Variants in SLC35F4 observed in about 807,000 individuals in gnomAD.
The protein encoded by SLC35F4 is solute carrier family 35 member F4.
A neutral mutation model predicts 44.2 loss-of-function variants in SLC35F4; 24 were observed. That is an observed-to-expected ratio of 0.54 (90% CI 0.39 to 0.76). The LOEUF (loss-of-function observed/expected upper bound fraction) is 0.76. Ranked by LOEUF, SLC35F4 falls within the 30% of genes least tolerant of loss-of-function variation. The probability of loss-of-function intolerance (pLI) is 0.00; values close to 1 mark genes in which losing one functional copy is unlikely to be tolerated. For synonymous variants in SLC35F4, 238 were observed against 223.6 expected, an observed-to-expected ratio of 1.06 and a Z score of -0.57; for missense variants, 562 against 586.1, an observed-to-expected ratio of 0.96 and a Z score of 0.42.
chr14:57,980,621 G>A (rs1454229102), intron 1 of SLC35F4, among the ~76,000 whole-genome samples: 2 of 147,982 alleles, frequency 1.4e-5, no homozygotes, highest in African/African-American at 5.1e-5. Context: ...TTTCCACCTG[G>A]TTTGTGGGCG....
At chr14:57,646,689 C>T (rs566532575) in intron 1 of SLC35F4, among the ~76,000 whole-genome samples, 3 of 152,216 alleles carry the variant, frequency 2.0e-5, no homozygotes, top group South Asian at 2.1e-4. Context: ...GCTCTTGCTT[C>T]TCTAGTTCTT....
In SLC35F4 at chr14:57,566,470, T is replaced by C. The variant is rs1423923935; in HGVS notation, c.1216+5A>G. On this transcript the variant is annotated splice_donor_5th_base_variant and intron_variant, in intron 7 of 7. Coordinates refer to ENST00000556826, the MANE Select transcript of SLC35F4 (RefSeq NM_001306087.2). Reference sequence around the variant, plus strand: ...GGATCTGCACATGTCACATGGTGCCTGTACCTGCATTTCCAGGAACGCTGA... The same window carrying C: ...GGATCTGCACATGTCACATGGTGCCCGTACCTGCATTTCCAGGAACGCTGA... The C allele has an allele frequency of 6.3e-7, 1 of 1,584,368 alleles. No individual in the cohort carries two copies. Among genetic ancestry groups the C allele is most frequent in the Non-Finnish European group, 8.6e-7 (1 of 1,164,858 alleles).
intron 1 of SLC35F4, among the ~76,000 whole-genome samples, chr14:57,669,174 T>A (rs993508680): frequency 6.6e-6 from 1 of 152,060 alleles, no homozygotes; most frequent in African/African-American, 2.4e-5. Context: ...TTTTGCACAT[T>A]GATTTTGTAT....
At chr14:57,902,105 C>T (rs369870495) in intron 1 of SLC35F4, among the ~76,000 whole-genome samples, 10 of 152,104 alleles carry the variant, frequency 6.6e-5, no homozygotes, top group African/African-American at 2.4e-4. Flanking sequence ...TTAAACTGTC[C>T]CTTTGAGTGT....
At chr14:57,836,884 A>C (rs1022923792) in intron 1 of SLC35F4, among the ~76,000 whole-genome samples, 1 of 152,232 alleles carries the variant, frequency 6.6e-6, no homozygotes, top group African/African-American at 2.4e-5. Flanking sequence ...CACCTAAAAA[A>C]ATTAATAACA....
At chr14:57,680,333 C>T (rs1449801703) in intron 1 of SLC35F4, among the ~76,000 whole-genome samples, 8 of 152,144 alleles carry the variant, frequency 5.3e-5, no homozygotes, top group Admixed American at 4.6e-4. Context: ...GCCCTTCATG[C>T]TAAAAACTTT....
At chr14:57,641,375 T>C (rs114545260) in intron 1 of SLC35F4, among the ~76,000 whole-genome samples, 3,999 of 151,934 alleles carry the variant, frequency 0.026, 77 homozygotes, top group South Asian at 0.071. Flanking sequence ...AACCTAATTC[T>C]TCTGGGCCTC....
intron 1 of SLC35F4, among the ~76,000 whole-genome samples, chr14:57,901,536 G>A (rs1313437650): frequency 6.6e-6 from 1 of 152,108 alleles, no homozygotes; most frequent in Non-Finnish European, 1.5e-5. Context: ...GGGTGGGGTA[G>A]GGGAAGGGAG....
chr14:57,665,920 C>A (rs1184455879), intron 1 of SLC35F4, among the ~76,000 whole-genome samples: 1 of 152,080 alleles, frequency 6.6e-6, no homozygotes, highest in African/African-American at 2.4e-5. Flanking sequence ...GAAGTGGGAG[C>A]TAAATGATGA....
chr14:57,620,387 A>T (rs1885984797), intron 1 of SLC35F4, among the ~76,000 whole-genome samples: 1 of 152,216 alleles, frequency 6.6e-6, no homozygotes, highest in Non-Finnish European at 1.5e-5. Context: ...GCCAATATTC[A>T]ATATTCTTAA....
chr14:57,870,124 CTGTGTG>C (rs34282878), upstream of SLC35F4, among the ~76,000 whole-genome samples: 14 of 146,076 alleles, frequency 9.6e-5, no homozygotes, highest in African/African-American at 2.8e-4. Flanking sequence ...TGTCTATGAT[CTGTGTG>C]TGTGTGTGTG....
At chr14:57,768,110 G>A (rs1219999281) in intron 1 of SLC35F4, among the ~76,000 whole-genome samples, 1 of 152,104 alleles carries the variant, frequency 6.6e-6, no homozygotes, top group African/African-American at 2.4e-5. Flanking sequence ...AAAAATAGAA[G>A]AGGAGGAAAT....
Position 57,752,497 on chromosome 14 carries a change from T to C in SLC35F4, c.103+113226A>G, listed in dbSNP as rs2076908418. Among the ~76,000 whole-genome samples the C allele has an allele frequency of 1.3e-5, 2 of 151,930 alleles. 1 individual carries two copies. On this transcript the variant is annotated intron_variant, in intron 1 of 7. Coordinates refer to ENST00000556826, the MANE Select transcript of SLC35F4 (RefSeq NM_001306087.2). ...TTTTTTTTGAGACGGAGTCTTGCTC[T>C]GTCGCCAGGCCGGAGTGCAGTGGTG...
At chr14:57,870,124 C>CTGTGTGTGTGTGTGTG (rs34282878), upstream of SLC35F4, among the ~76,000 whole-genome samples, 5 of 146,078 alleles carry the variant, frequency 3.4e-5, no homozygotes, top group African/African-American at 1.3e-4. Flanking sequence ...TGTCTATGAT[C>CTGTGTGTGTGTGTGTG]TGTGTGTGTG....
chr14:57,900,315 A>T (rs1888973266), intron 1 of SLC35F4, among the ~76,000 whole-genome samples: 1 of 152,184 alleles, frequency 6.6e-6, no homozygotes, highest in South Asian at 2.1e-4. Flanking sequence ...ACATCCGAGG[A>T]TTCTTTCTGA....
intron 1 of SLC35F4, among the ~76,000 whole-genome samples, chr14:57,896,807 T>G (rs59993590): frequency 1.3e-5 from 2 of 152,172 alleles, no homozygotes; most frequent in African/African-American, 4.8e-5. Flanking sequence ...ATTATTGTTA[T>G]TGCCTAAAGA....
chr14:57,674,343 C>G (rs1301536378), intron 1 of SLC35F4, among the ~76,000 whole-genome samples: 1 of 152,088 alleles, frequency 6.6e-6, no homozygotes, highest in Non-Finnish European at 1.5e-5. Context: ...TAACCTGTGA[C>G]CTACCAATTC....
chr14:57,810,660 C>A (rs893164344), intron 1 of SLC35F4, among the ~76,000 whole-genome samples: 1 of 152,178 alleles, frequency 6.6e-6, no homozygotes. Context: ...GCTGTATAGC[C>A]CCTTCTTTGA....
intron 1 of SLC35F4, among the ~76,000 whole-genome samples, chr14:57,752,149 G>T (rs923051821): frequency 6.6e-6 from 1 of 152,138 alleles, no homozygotes; most frequent in Non-Finnish European, 1.5e-5. Context: ...TAGAAAGAGG[G>T]ATTAAGTTTG....
Sources: gnomAD v4.1 joint callset for allele counts (sites outside exome capture counted in the v4.1 genomes callset) on GRCh38, gnomAD v4.1.1 for gene constraint, MANE v1.5 for transcripts, NCBI Gene and HGNC (gene_info 2026-07-23, HGNC 2026-07-21) for gene names.